Variants in BSN observed in about 807,000 individuals in gnomAD.
The protein encoded by BSN is bassoon presynaptic cytomatrix protein.
Under a neutral mutation model 264.8 loss-of-function variants are expected in BSN, and 57 were observed. That is an observed-to-expected ratio of 0.22 (90% CI 0.17 to 0.27). BSN has a LOEUF of 0.27. Among genes scored for constraint, BSN ranks in the 10% least tolerant of loss-of-function variants. The pLI is 1.00. For missense variants in BSN, 4,615 were observed against 5,232.5 expected (o/e 0.88, Z 3.64); for synonymous variants, 2,059 against 2,137.3 (o/e 0.96, Z 1.01).
At chr3:49,630,485 C>T (rs1413001656) in intron 2 of BSN, among the ~76,000 whole-genome samples, 4 of 152,212 alleles carry the variant, frequency 2.6e-5, no homozygotes, top group South Asian at 2.1e-4. Context: ...AGCCCTGTTG[C>T]TTAGTACATG....
intron 2 of BSN, among the ~76,000 whole-genome samples, chr3:49,639,486 C>T (rs1436340863): frequency 6.6e-6 from 1 of 152,226 alleles, no homozygotes; most frequent in African/African-American, 2.4e-5. Flanking sequence ...GCGTGAGCCA[C>T]GGTGCACGGC....
At chr3:49,615,467 A>T (rs961885156) in intron 1 of BSN, among the ~76,000 whole-genome samples, 2 of 152,114 alleles carry the variant, frequency 1.3e-5, no homozygotes, top group African/African-American at 2.4e-5. Flanking sequence ...TCAGAGTGGG[A>T]CTACAACATA....
At chr3:49,574,414 G>A (rs1459760307) in intron 1 of BSN, among the ~76,000 whole-genome samples, 1 of 152,114 alleles carries the variant, frequency 6.6e-6, no homozygotes, top group Non-Finnish European at 1.5e-5. Context: ...TGCATTGCAG[G>A]GGTGGGGGCA....
chr3:49,652,891 C>T lies in BSN; in HGVS notation c.3335C>T (p.Ala1112Val), dbSNP rs1315052031. The T allele has an allele frequency of 1.2e-6, 2 of 1,609,054 alleles. No homozygotes were observed. The highest frequency in any genetic ancestry group is 1.7e-6 in the Non-Finnish European group (2 of 1,176,770). Reference sequence around the variant, plus strand: ...TCCCCGACGGAGGAGCTGAGGCAGGCGGCCGAGATGGAGGAGCTACACCGC... The same window carrying T: ...TCCCCGACGGAGGAGCTGAGGCAGGTGGCCGAGATGGAGGAGCTACACCGC... ...DASPTEELRQ[A>V]AEMEELHRSS... The change falls in exon 5 of 12, where the codon GCG becomes GTG. Residue 1112 changes from alanine (A) to valine (V), a missense_variant. By Grantham distance (64) the Ala-to-Val change is moderately conservative. Coordinates refer to ENST00000296452, the MANE Select transcript of BSN (RefSeq NM_003458.4).
chr3:49,633,625 C>G (rs965365316), intron 2 of BSN, among the ~76,000 whole-genome samples: 1 of 152,202 alleles, frequency 6.6e-6, no homozygotes, highest in Admixed American at 6.5e-5. Context: ...GATATTTGTA[C>G]ACCCATGTTC....
In BSN at chr3:49,660,930, G is replaced by T; in HGVS notation, c.9085G>T (p.Ala3029Ser). Reference sequence around the variant, plus strand: ...GCGGCTCCAGGGCTGCACCACTCCCGCTGGCCAGTTTGTGGACTTCCCTGC... The same window carrying T: ...GCGGCTCCAGGGCTGCACCACTCCCTCTGGCCAGTTTGTGGACTTCCCTGC... The part of the protein sequence containing the change: ...QLRLQGCTTP[A>S]GQFVDFPATA... The change falls in exon 6 of 12, where the codon GCT (alanine) becomes TCT (serine). Residue 3029 changes from alanine to serine, a missense_variant. By Grantham distance (99) the Ala-to-Ser change is moderately conservative (BLOSUM62 1). Transcript: ENST00000296452. The surrounding 1 kb of genome is among the most constrained non-coding windows in gnomAD (Gnocchi z 7.1). 6.2e-7 allele frequency: 1 copy of T among 1,611,938 alleles called. No homozygotes were observed.
chr3:49,662,666 C>T lies in BSN; in HGVS notation c.10717+104C>T, dbSNP rs780907088. 14 of 1,495,778 alleles carry T rather than the reference C, an allele frequency of 9.4e-6. No homozygotes were observed. The Admixed American group carries it at 9.6e-5, about 10-fold the overall frequency. The allele number at this position is 1,495,778 out of a possible 1,614,324, so 92.7% of individuals were successfully genotyped here. ...GATGTCCCAGCAGGGTCTGGTCTGGCGCCTCATCTGGTGGGCCCTGCTGCA... is the reference window on the plus strand; with the variant it reads ...GATGTCCCAGCAGGGTCTGGTCTGGTGCCTCATCTGGTGGGCCCTGCTGCA... On this transcript the variant is annotated intron_variant, in intron 6 of 11. Coordinates refer to ENST00000296452, the MANE Select transcript of BSN (RefSeq NM_003458.4).
intron 5 of BSN, among the ~76,000 whole-genome samples, chr3:49,659,401 C>T (rs2108092334): frequency 6.6e-6 from 1 of 152,186 alleles, no homozygotes; most frequent in Admixed American, 6.5e-5. Context: ...GTTCAAAAGG[C>T]TAAATTTATT....
intron 1 of BSN, among the ~76,000 whole-genome samples, chr3:49,576,905 C>G (rs1047867452): frequency 2.0e-5 from 3 of 152,212 alleles, no homozygotes; most frequent in Non-Finnish European, 2.9e-5. Context: ...TTGGTATATG[C>G]TGCCTGTGTC....
At chr3:49,589,379 A>G (rs2051960505) in intron 1 of BSN, among the ~76,000 whole-genome samples, 1 of 151,944 alleles carries the variant, frequency 6.6e-6, no homozygotes, top group Non-Finnish European at 1.5e-5. Context: ...CAATTCCGTC[A>G]GTTTTGCATC....
At chr3:49,639,972 G>A (rs1559611477) in intron 2 of BSN, among the ~76,000 whole-genome samples, 1 of 152,258 alleles carries the variant, frequency 6.6e-6, no homozygotes, top group South Asian at 2.1e-4. Flanking sequence ...CCTGAGCCCA[G>A]GTCCCCCAAC....
chr3:49,662,435 G>A lies in BSN; in HGVS notation c.10590G>A (p.Gln3530=), dbSNP rs767879308. The change falls in exon 6 of 12, where the codon CAG becomes CAA. Residue 3530 remains glutamine (Q), a synonymous_variant. Transcript: ENST00000296452. ...CTCCCGGCGGGGATACCTGCCCACAGTTCTGCTCCAGCCACTCCATGCCTG... is the reference window on the plus strand; with the variant it reads ...CTCCCGGCGGGGATACCTGCCCACAATTCTGCTCCAGCCACTCCATGCCTG... The part of the protein sequence containing the change: ...PLPPGGDTCP[Q]FCSSHSMPDV... 10 of 1,613,486 alleles carry A rather than the reference G, an allele frequency of 6.2e-6. No individual in the cohort carries two copies. The East Asian group carries it at 2.2e-4, about 36-fold the overall frequency.
intron 1 of BSN, among the ~76,000 whole-genome samples, chr3:49,600,698 G>GTA (rs2052067120): frequency 2.0e-5 from 3 of 152,176 alleles, no homozygotes; most frequent in Admixed American, 2.0e-4. Context: ...CAGCTGCTCT[G>GTA]TAGGCTGAGA....
At chr3:49,617,277 AATACATTATATATATATATAT>A (rs11272058) in intron 1 of BSN, among the ~76,000 whole-genome samples, 36,300 of 143,976 alleles carry the variant, frequency 0.25, 5,006 homozygotes, top group Middle Eastern at 0.3. Flanking sequence ...TAAAAAATAA[AATACATTATATATATATATAT>A]ATATATATAT....
chr3:49,575,541 T>TA (rs1491115453), intron 1 of BSN, among the ~76,000 whole-genome samples: 2 of 146,952 alleles, frequency 1.4e-5, no homozygotes, highest in African/African-American at 4.9e-5. Context: ...TGTAAATATA[T>TA]GTGTGTATAG....
At chr3:49,565,134 A>G (rs2051742495) in intron 1 of BSN, among the ~76,000 whole-genome samples, 1 of 146,918 alleles carries the variant, frequency 6.8e-6, no homozygotes, top group Non-Finnish European at 1.5e-5. Flanking sequence ...TTTTTGGACT[A>G]GAGGATTTTC....
chr3:49,656,890 T>A lies in BSN; in HGVS notation c.7334T>A (p.Leu2445Gln). The change falls in exon 5 of 12, where the codon CTA becomes CAA. Residue 2445 changes from leucine (L) to glutamine (Q), a missense_variant. Coordinates refer to ENST00000296452, the MANE Select transcript of BSN (RefSeq NM_003458.4). ...QAQFALQREQ[L>Q]AQQRLQLEQI... is the part of the protein sequence containing the mutation. ...CAATTTGCACTGCAGCGGGAACAGC[T>A]AGCGCAGCAGCGTCTGCAGCTGGAG... 6.2e-7 allele frequency: 1 copy of A among 1,601,182 alleles called. No homozygotes were observed. The highest frequency in any genetic ancestry group is 8.5e-7 in the Non-Finnish European group (1 of 1,174,044).
chr3:49,619,162 C>T (rs923120229), intron 1 of BSN, among the ~76,000 whole-genome samples: 2 of 152,176 alleles, frequency 1.3e-5, no homozygotes, highest in African/African-American at 4.8e-5. Flanking sequence ...CCCAGCGTTG[C>T]TAGTTAAGTC....
chr3:49,660,930 G>A lies in BSN; in HGVS notation c.9085G>A (p.Ala3029Thr), dbSNP rs752852851. The A allele has an allele frequency of 1.2e-5, 19 of 1,611,822 alleles. No individual in the cohort carries two copies. Among genetic ancestry groups the A allele is most frequent in the African/African-American group, 2.7e-5 (2 of 74,884 alleles). Reference protein sequence around the residue: ...QLRLQGCTTPAGQFVDFPATA... With the variant: ...QLRLQGCTTPTGQFVDFPATA... ...GCGGCTCCAGGGCTGCACCACTCCC[G>A]CTGGCCAGTTTGTGGACTTCCCTGC... The change falls in exon 6 of 12, where the codon GCT becomes ACT. Residue 3029 changes from alanine to threonine, a missense_variant. Physicochemically the swap from Ala to Thr is moderately conservative, Grantham distance 58. Coordinates refer to ENST00000296452, the MANE Select transcript of BSN (RefSeq NM_003458.4). The surrounding 1 kb of genome is among the most constrained non-coding windows in gnomAD (Gnocchi z 7.1).
Sources: allele counts gnomAD v4.1 joint callset (sites outside exome capture counted in the v4.1 genomes callset), GRCh38; gene constraint gnomAD v4.1.1; non-coding constraint Gnocchi (gnomAD v3.1); transcripts MANE v1.5; gene names NCBI Gene and HGNC (gene_info 2026-07-23, HGNC 2026-07-21).